SH3PXD2A: variants seen among roughly 807,000 people sequenced by gnomAD.
The protein encoded by SH3PXD2A is SH3 and PX domain-containing protein 2A.
In SH3PXD2A, 32 loss-of-function variants were observed where a neutral mutation model predicts 115.2. The observed-to-expected ratio is 0.28, with a 90% confidence interval of 0.21 to 0.37. The LOEUF is 0.37. SH3PXD2A is among the 10% of genes least tolerant of loss of function. The probability of loss-of-function intolerance (pLI) is 1.00; values close to 1 mark genes in which losing one functional copy is unlikely to be tolerated. For missense variants in SH3PXD2A, 1,328 were observed against 1,498.7 expected (o/e 0.89, Z 1.88); for synonymous variants, 610 against 629.1 (o/e 0.97, Z 0.45).
chr10:103,615,264 G>A (rs1214405169), intron 11 of SH3PXD2A, among the ~76,000 whole-genome samples: 2 of 152,202 alleles, frequency 1.3e-5, no homozygotes, highest in Admixed American at 6.5e-5. Context: ...GGGGGCTCAT[G>A]GAGGTGACGG....
intron 5 of SH3PXD2A, among the ~76,000 whole-genome samples, chr10:103,699,932 T>C (rs1259369413): frequency 6.6e-6 from 1 of 152,226 alleles, no homozygotes; most frequent in East Asian, 1.9e-4. Flanking sequence ...AGAAGGGGTC[T>C]TGGGGCTCCC....
rs2036249579 is a variant in SH3PXD2A at position 103,603,336 on chromosome 10, A to G, written c.1882T>C (p.Tyr628His). 6.2e-7 allele frequency: 1 copy of G among 1,614,106 alleles called. No individual in the cohort carries two copies. Among genetic ancestry groups the G allele is most frequent in the East Asian group, 2.2e-5 (1 of 44,870 alleles). Residue 628 changes from tyrosine to histidine, a missense_variant, in exon 15 of 15, where the codon TAT becomes CAT. Physicochemically the swap from Tyr to His is moderately conservative, Grantham distance 83 (BLOSUM62 2). Coordinates refer to ENST00000369774, the MANE Select transcript of SH3PXD2A (RefSeq NM_001394015.1). The stretch of plus-strand genomic sequence containing the variant: ...CTGGCTGACAGGGTGTCCTCTGCAT[A>G]TGGCCGGAAGCCCTCATTCTCATAG... The part of the protein sequence containing the change: ...TIYENEGFRP[Y>H]AEDTLSARGS...
At chr10:103,771,791 A>G (rs952309072) in intron 2 of SH3PXD2A, among the ~76,000 whole-genome samples, 2 of 151,768 alleles carry the variant, frequency 1.3e-5, no homozygotes, top group African/African-American at 4.8e-5. Context: ...AGACACACAC[A>G]TACCCTGCAG....
chr10:103,648,152 G>A (rs547391286), intron 8 of SH3PXD2A, among the ~76,000 whole-genome samples: 1 of 152,248 alleles, frequency 6.6e-6, no homozygotes, highest in African/African-American at 2.4e-5. Flanking sequence ...GAAGGGCCCA[G>A]GTAGACAAGA....
chr10:103,616,435 G>A (rs1046693772), intron 11 of SH3PXD2A, among the ~76,000 whole-genome samples: 16 of 152,240 alleles, frequency 1.1e-4, no homozygotes, highest in African/African-American at 3.4e-4. Context: ...AGCATTTCTT[G>A]AGAGCAGGGG....
At chr10:103,743,590 C>T (rs11191790) in intron 3 of SH3PXD2A, among the ~76,000 whole-genome samples, 12,338 of 148,820 alleles carry the variant, frequency 0.083, 1,310 homozygotes, top group East Asian at 0.29. Flanking sequence ...AGGCTGGTCC[C>T]GAACTCCTGG....
chr10:103,853,870 T>C (rs1263897428), intron 1 of SH3PXD2A, among the ~76,000 whole-genome samples: 2 of 152,216 alleles, frequency 1.3e-5, no homozygotes, highest in Admixed American at 6.5e-5. Flanking sequence ...GTTGACCACC[T>C]GGTGACCCAA....
chr10:103,805,937 C>T (rs1182472020), intron 1 of SH3PXD2A, among the ~76,000 whole-genome samples: 2 of 152,248 alleles, frequency 1.3e-5, no homozygotes, highest in Non-Finnish European at 2.9e-5. Context: ...TAAAGATACA[C>T]CCCGCTGGAG....
chr10:103,668,240 C>T, intron 7 of SH3PXD2A, among the ~76,000 whole-genome samples: 1 of 152,290 alleles, frequency 6.6e-6, no homozygotes, highest in Non-Finnish European at 1.5e-5. Flanking sequence ...AGCCCCACCA[C>T]TGCCTGAGCA....
rs994071381 is a variant in SH3PXD2A at position 103,594,376 on chromosome 10, T to G, written c.*7440A>C. 3 of 152,640 alleles carry G rather than the reference T, an allele frequency of 2.0e-5. No homozygotes were observed. The highest frequency in any genetic ancestry group is 4.4e-5 in the Non-Finnish European group (3 of 68,046). 9.5% of individuals were successfully genotyped at this position (152,640 alleles called of 1,614,324 possible). A position where few individuals can be genotyped will look rare whatever the true frequency, so the allele number is the denominator to read the frequency against. On this transcript the variant is annotated 3_prime_UTR_variant, in exon 15 of 15. Coordinates refer to ENST00000369774, the MANE Select transcript of SH3PXD2A (RefSeq NM_001394015.1). ...ACTGAGTTTAATGTCCTTTCTCCAG[T>G]TTCTCTGCTGAGGAGGAAAGAAGGA... is the stretch of plus-strand genomic sequence containing the variant.
intron 8 of SH3PXD2A, among the ~76,000 whole-genome samples, chr10:103,629,317 A>G (rs893923884): frequency 6.6e-6 from 1 of 152,270 alleles, no homozygotes; most frequent in Middle Eastern, 3.2e-3. Flanking sequence ...AGCCGCTGGC[A>G]GGTCAGAGAC....
At chr10:103,632,757 C>T (rs1300796647) in intron 8 of SH3PXD2A, among the ~76,000 whole-genome samples, 2 of 152,150 alleles carry the variant, frequency 1.3e-5, no homozygotes, top group Non-Finnish European at 2.9e-5. Flanking sequence ...GGGCAGATCA[C>T]AAGGTCAAGA....
At chr10:103,814,314 G>A (rs555344965) in intron 1 of SH3PXD2A, among the ~76,000 whole-genome samples, 4 of 152,236 alleles carry the variant, frequency 2.6e-5, no homozygotes, top group African/African-American at 9.6e-5. Flanking sequence ...AGCCCTTCTC[G>A]GCTCCAGGAG....
At chr10:103,648,438 T>A (rs2037068568) in intron 8 of SH3PXD2A, among the ~76,000 whole-genome samples, 1 of 152,174 alleles carries the variant, frequency 6.6e-6, no homozygotes, top group African/African-American at 2.4e-5. Context: ...TTGTAACTGA[T>A]CCCAGCCTGT....
At chr10:103,763,466 T>C (rs911561828) in intron 3 of SH3PXD2A, among the ~76,000 whole-genome samples, 1 of 152,224 alleles carries the variant, frequency 6.6e-6, no homozygotes, top group African/African-American at 2.4e-5. Flanking sequence ...GGCAAGGCTA[T>C]TCTCAAGGCT....
intron 2 of SH3PXD2A, among the ~76,000 whole-genome samples, chr10:103,800,564 T>TGGTC (rs2039137300): frequency 6.6e-6 from 1 of 152,216 alleles, no homozygotes; most frequent in Non-Finnish European, 1.5e-5. Flanking sequence ...TCTCACCATG[T>TGGTC]GGTCGGCTGC....
chr10:103,845,424 T>C (rs1435637063), intron 1 of SH3PXD2A, among the ~76,000 whole-genome samples: 5 of 150,958 alleles, frequency 3.3e-5, no homozygotes, highest in Admixed American at 6.6e-5. Context: ...AAAACCAAGA[T>C]GGCAACGAGA....
At chr10:103,674,610 A>G (rs1239073903) in intron 6 of SH3PXD2A, among the ~76,000 whole-genome samples, 1 of 152,210 alleles carries the variant, frequency 6.6e-6, no homozygotes, top group African/African-American at 2.4e-5. Context: ...TCAGGAGGTC[A>G]GGAGTTTGAG....
intron 3 of SH3PXD2A, among the ~76,000 whole-genome samples, chr10:103,739,641 T>C (rs2038421601): frequency 6.6e-6 from 1 of 152,182 alleles, no homozygotes; most frequent in African/African-American, 2.4e-5. Context: ...CTTGTAAATA[T>C]AGTGCAGCCC....
Sources: gnomAD v4.1 joint callset for allele counts (sites outside exome capture counted in the v4.1 genomes callset) on GRCh38, gnomAD v4.1.1 for gene constraint, MANE v1.5 for transcripts, NCBI Gene and HGNC (gene_info 2026-07-23, HGNC 2026-07-21) for gene names.